ROR1: variants seen among roughly 807,000 people sequenced by gnomAD.
ROR1 encodes the protein ROR family WNT receptor 1.
Under a neutral mutation model 78.8 loss-of-function variants are expected in ROR1, and 19 were observed. The ratio of observed to expected loss-of-function variants is 0.24; its 90% CI spans 0.17 to 0.35. The LOEUF (loss-of-function observed/expected upper bound fraction) is 0.35, where lower values mean the gene tolerates loss of function less well. ROR1 is among the 10% of genes least tolerant of loss of function. The pLI, the probability that ROR1 is intolerant of heterozygous loss-of-function variation, is 1.00. For synonymous variants in ROR1, 386 were observed against 433.6 expected, an observed-to-expected ratio of 0.89 and a Z score of 1.36; for missense variants, 917 against 1,177.8, an observed-to-expected ratio of 0.78 and a Z score of 3.24.
At chr1:63,847,455 G>C (rs1375219231) in intron 1 of ROR1, among the ~76,000 whole-genome samples, 1 of 151,964 alleles carries the variant, frequency 6.6e-6, no homozygotes, top group African/African-American at 2.4e-5. Context: ...AAAGCCCCTT[G>C]GACAAGGGCC....
intron 2 of ROR1, among the ~76,000 whole-genome samples, chr1:64,046,866 C>G (rs1055905657): frequency 6.6e-6 from 1 of 152,250 alleles, no homozygotes; most frequent in African/African-American, 2.4e-5. Context: ...CTAAACCACT[C>G]TGATCCTAGG....
intron 1 of ROR1, among the ~76,000 whole-genome samples, chr1:63,794,398 T>G (rs943547609): frequency 6.6e-6 from 1 of 152,168 alleles, no homozygotes; most frequent in Non-Finnish European, 1.5e-5. Context: ...ACCCTGGCCT[T>G]GATCAGAAAT....
chr1:64,144,375 G>A (rs12081184), intron 7 of ROR1, among the ~76,000 whole-genome samples: 2,064 of 152,296 alleles, frequency 0.014, 42 homozygotes, highest in African/African-American at 0.046. Context: ...GGAAATGTTG[G>A]CATACAGATG....
chr1:64,006,544 G>T (rs1431111783), intron 1 of ROR1, among the ~76,000 whole-genome samples: 2 of 152,138 alleles, frequency 1.3e-5, no homozygotes, highest in Non-Finnish European at 2.9e-5. Context: ...CCAAACAAGA[G>T]GTTGATAACA....
intron 1 of ROR1, among the ~76,000 whole-genome samples, chr1:63,808,433 G>C (rs143637744): frequency 3.3e-5 from 5 of 152,298 alleles, no homozygotes; most frequent in Non-Finnish European, 7.3e-5. Flanking sequence ...ATTTACATGA[G>C]AGACAAATAT....
intron 6 of ROR1, among the ~76,000 whole-genome samples, chr1:64,141,697 C>T (rs1040601722): frequency 6.6e-6 from 1 of 152,112 alleles, no homozygotes; most frequent in South Asian, 2.1e-4. Context: ...TTTCAGTTTC[C>T]TTTTGATCGT....
intron 8 of ROR1, among the ~76,000 whole-genome samples, chr1:64,160,798 T>A (rs1367748188): frequency 6.6e-6 from 1 of 152,212 alleles, no homozygotes; most frequent in Admixed American, 6.5e-5. Flanking sequence ...TTTCTGTTGG[T>A]AAATGTTGAG....
At chr1:63,889,441 C>A (rs1645379415) in intron 1 of ROR1, among the ~76,000 whole-genome samples, 1 of 152,112 alleles carries the variant, frequency 6.6e-6, no homozygotes, top group Non-Finnish European at 1.5e-5. Context: ...AGGAAGTGAG[C>A]AGGCTGGGAT....
intron 4 of ROR1, among the ~76,000 whole-genome samples, chr1:64,127,409 C>T (rs1648747067): frequency 6.6e-6 from 1 of 152,094 alleles, no homozygotes; most frequent in Non-Finnish European, 1.5e-5. Context: ...TCATCTCTCT[C>T]TCTTTCTCTG....
intron 2 of ROR1, among the ~76,000 whole-genome samples, chr1:64,025,813 A>T (rs945589369): frequency 6.6e-6 from 1 of 152,168 alleles, no homozygotes; most frequent in Non-Finnish European, 1.5e-5. Context: ...GAGCTAAGCT[A>T]TGAGAATGCA....
intron 1 of ROR1, among the ~76,000 whole-genome samples, chr1:63,854,207 A>G (rs1645134240): frequency 6.6e-6 from 1 of 152,202 alleles, no homozygotes; most frequent in Non-Finnish European, 1.5e-5. Flanking sequence ...TCATATAAAA[A>G]TATGTGACGT....
At chr1:63,898,316 T>TA (rs66482013) in intron 1 of ROR1, among the ~76,000 whole-genome samples, 128,984 of 151,478 alleles carry the variant, frequency 0.85, 55,948 homozygotes, top group East Asian at 1. Flanking sequence ...GAATTGAAAG[T>TA]AAAAAAATCG....
intron 8 of ROR1, among the ~76,000 whole-genome samples, chr1:64,175,120 G>T (rs1161567670): frequency 1.3e-5 from 2 of 151,118 alleles, no homozygotes; most frequent in African/African-American, 4.9e-5. Context: ...GCATAGAAAA[G>T]CAGAACCTCT....
chr1:63,848,772 C>T (rs2100327063), intron 1 of ROR1, among the ~76,000 whole-genome samples: 1 of 152,164 alleles, frequency 6.6e-6, no homozygotes, highest in East Asian at 1.9e-4. Context: ...GTATATTCCC[C>T]TATAATGGTA....
Position 63,838,186 on chromosome 1 carries a change from T to C in ROR1, c.91+63678T>C, listed in dbSNP as rs183678579. ...ATACTTGATAATAGTAATAAACAAC[T>C]ATGTTAGTGGTCTACGTATTTACTA... On this transcript the variant is annotated intron_variant, in intron 1 of 8. Transcript: ENST00000371079. 1.3e-3 allele frequency among the ~76,000 whole-genome samples: 193 copies of C among 152,238 alleles called. 1 individual carries two copies. The highest frequency in any genetic ancestry group is 4.3e-3 in the African/African-American group (179 of 41,552).
At chr1:63,971,424 T>G (rs1646119173) in intron 1 of ROR1, among the ~76,000 whole-genome samples, 1 of 152,188 alleles carries the variant, frequency 6.6e-6, no homozygotes, top group African/African-American at 2.4e-5. Flanking sequence ...TTTTTGTAAT[T>G]AAAATAATCT....
intron 7 of ROR1, among the ~76,000 whole-genome samples, chr1:64,149,819 G>T (rs1358144244): frequency 1.3e-5 from 2 of 152,204 alleles, no homozygotes; most frequent in Non-Finnish European, 2.9e-5. Context: ...ACACTGCCTA[G>T]GTTCACCATT....
rs537247813 is a variant in ROR1 at position 63,833,244 on chromosome 1, T to A, written c.91+58736T>A. Among the ~76,000 whole-genome samples, 5 of 152,316 alleles carry A rather than the reference T, an allele frequency of 3.3e-5. No homozygotes were observed. In the East Asian group the frequency reaches 5.8e-4, roughly 18 times the overall value. On this transcript the variant is annotated intron_variant, in intron 1 of 8. Transcript: ENST00000371079. Reference sequence around the variant, plus strand: ...GTACAATTGTGGGTTGGGGCAGGGATCCCTAGTTACAATGTTTAGCTGCTT... The same window carrying A: ...GTACAATTGTGGGTTGGGGCAGGGAACCCTAGTTACAATGTTTAGCTGCTT...
intron 2 of ROR1, 45 bp downstream of exon 2, chr1:64,009,421 A>G (rs896601942): frequency 1.4e-6 from 2 of 1,430,138 alleles, no homozygotes; most frequent in Middle Eastern, 1.8e-4. Context: ...AGAGGTGTGG[A>G]ACTGTTTTTA....
Sources: gnomAD v4.1 joint callset for allele counts (sites outside exome capture counted in the v4.1 genomes callset) on GRCh38, gnomAD v4.1.1 for gene constraint, MANE v1.5 for transcripts, NCBI Gene and HGNC (gene_info 2026-07-23, HGNC 2026-07-21) for gene names.